The following PTPRA variants were observed in gnomAD, a reference collection of about 807,000 sequenced individuals.
PTPRA encodes the protein protein tyrosine phosphatase receptor type A, also known as receptor-type tyrosine-protein phosphatase alpha.
In PTPRA, 25 loss-of-function variants were observed where a neutral mutation model predicts 104.8. The observed-to-expected ratio is 0.24, with a 90% CI of 0.17 to 0.33. The LOEUF (loss-of-function observed/expected upper bound fraction) is 0.33, where lower values mean the gene tolerates loss of function less well. Among genes scored for constraint, PTPRA ranks in the 10% least tolerant of loss-of-function variants. The pLI is 1.00. For missense variants in PTPRA, 765 were observed against 1,015.3 expected (o/e 0.75, Z 3.35); for synonymous variants, 323 against 368.9 (o/e 0.88, Z 1.43).
rs545542834 is a variant in PTPRA, at chr20:3,037,548, T to C, written c.2334+259T>C. On this transcript the variant is annotated intron_variant, in intron 23 of 23. Coordinates refer to ENST00000399903, the MANE Select transcript of PTPRA (RefSeq NM_001385305.1). The surrounding 1 kb of genome is among the most constrained non-coding windows in gnomAD (Gnocchi z 4.3). ...GCCCCACAGGGCTCATCTGTACTTC[T>C]CTGTGGGTCTTGGGTAAGGAAGATC... is the stretch of plus-strand genomic sequence containing the variant. 6.6e-6 allele frequency among the ~76,000 whole-genome samples: 1 copy of C among 152,350 alleles called. No homozygotes were observed. The highest frequency in any genetic ancestry group is 2.1e-4 in the South Asian group (1 of 4,832).
In PTPRA at chr20:2,965,057, A is replaced by C; in HGVS notation, c.270A>C (p.Arg90Ser). 1 of 1,614,092 alleles carries C rather than the reference A, an allele frequency of 6.2e-7. No individual in the cohort carries two copies. The highest frequency in any genetic ancestry group is 8.5e-7 in the Non-Finnish European group (1 of 1,179,958). The change falls in exon 5 of 24, where the codon AGA becomes AGC. Residue 90 changes from arginine (R) to serine (S), a missense_variant. Around this residue, in one of 4 missense-constraint regions of PTPRA, gnomAD observed 256 missense variants for 248.9 expected, o/e 1.03. Coordinates refer to ENST00000399903, the MANE Select transcript of PTPRA (RefSeq NM_001385305.1). ...CAGACTCTGACAATGGGACCACAAG[A>C]ACAGCAAGCACCAATTCTATAGGCA... ...NSSDSDNGTT[R>S]TASTNSIGIT... is the part of the protein sequence containing the mutation.
At chr20:2,979,806 A>G (rs1752507127) in intron 6 of PTPRA, among the ~76,000 whole-genome samples, 1 of 152,200 alleles carries the variant, frequency 6.6e-6, no homozygotes, top group Non-Finnish European at 1.5e-5. Flanking sequence ...GGCCTCCCAA[A>G]GTGTTGGGCT....
chr20:2,932,141 G>A (rs1321343120), intron 2 of PTPRA, among the ~76,000 whole-genome samples: 1 of 152,194 alleles, frequency 6.6e-6, no homozygotes, highest in Non-Finnish European at 1.5e-5. Context: ...AAACAGAGAA[G>A]CTTTTGAGAA....
chr20:2,870,741 C>T (rs563324052), upstream of PTPRA, among the ~76,000 whole-genome samples: 2 of 152,360 alleles, frequency 1.3e-5, no homozygotes, highest in South Asian at 4.1e-4. Flanking sequence ...TCCTGATCCT[C>T]TCCTTTGCTC....
At position 2,942,998 on chromosome 20, in the gene PTPRA, C is replaced by G. The variant is rs372743588; in HGVS notation, c.-49-4984C>G. 4.6e-5 allele frequency among the ~76,000 whole-genome samples: 7 copies of G among 151,720 alleles called. No individual in the cohort carries two copies. The East Asian group carries it at 1.4e-3, about 29-fold the overall frequency. On this transcript the variant is annotated intron_variant, in intron 2 of 23. Coordinates refer to ENST00000399903, the MANE Select transcript of PTPRA (RefSeq NM_001385305.1). ...CTTATAATAATATGCCAGCATGTTC[C>G]TTTTTCTCTTTTTTCTTGCTTTTTG... is the stretch of plus-strand genomic sequence containing the variant.
At chr20:2,980,672 A>T (rs6138973) in intron 6 of PTPRA, among the ~76,000 whole-genome samples, 2,119 of 151,970 alleles carry the variant, frequency 0.014, 110 homozygotes, top group Admixed American at 0.09. Context: ...CAACAACAAG[A>T]CCCCCTCCCC....
rs371114138 is a variant in PTPRA, at chr20:3,022,929, TA to T, written c.1464+106del. 6.9e-4 allele frequency: 1,035 copies of T among 1,509,234 alleles called. 17 individuals carry two copies. The South Asian group carries it at 0.012, about 18-fold the overall frequency. 93.5% of individuals were successfully genotyped at this position (1,509,234 alleles called of 1,614,324 possible). On this transcript the variant is annotated intron_variant, in intron 16 of 23. Transcript: ENST00000399903. This position sits in a 1 kb window ranked among gnomAD's most constrained non-coding sequence, Gnocchi z 4.6. Reference sequence around the variant, plus strand: ...CACAGGTTATTGTAAATGATTACTATAGAGTGTGATTGTGGGGGAAAGAAAG... The same window carrying T: ...CACAGGTTATTGTAAATGATTACTATGAGTGTGATTGTGGGGGAAAGAAAG...
intron 1 of PTPRA, among the ~76,000 whole-genome samples, chr20:2,885,414 A>G (rs1213900487): frequency 6.6e-6 from 1 of 152,252 alleles, no homozygotes; most frequent in Non-Finnish European, 1.5e-5. Flanking sequence ...TTTCCAGATG[A>G]TCTAATGAAG....
In PTPRA at chr20:2,971,713, A is replaced by G. The variant is rs1174622223; in HGVS notation, c.416-3502A>G. ...CATATTTTATTGTGTTCAGGATTTA[A>G]TGAGCGTTTATGTTAGGAATGGGTG... On this transcript the variant is annotated intron_variant, in intron 5 of 23. Transcript: ENST00000399903. Among the ~76,000 whole-genome samples the G allele has an allele frequency of 2.0e-5, 3 of 152,162 alleles. No individual in the cohort carries two copies. The East Asian group carries it at 5.8e-4, about 29-fold the overall frequency.
chr20:2,866,457 C>A, the PTPRA span: 3 of 1,614,186 alleles, frequency 1.9e-6, no homozygotes, highest in Non-Finnish European at 2.5e-6. Context: ...CAGATGTGGC[C>A]ATCGAACACC....
intron 6 of PTPRA, among the ~76,000 whole-genome samples, chr20:2,981,964 G>T (rs1254594726): frequency 6.6e-6 from 1 of 152,126 alleles, no homozygotes; most frequent in Non-Finnish European, 1.5e-5. Flanking sequence ...TTTCAGATAT[G>T]CTGTTGATTC....
intron 1 of PTPRA, among the ~76,000 whole-genome samples, chr20:2,920,335 G>A (rs1458724993): frequency 1.3e-5 from 2 of 152,102 alleles, no homozygotes; most frequent in African/African-American, 4.8e-5. Flanking sequence ...ATGGAGGAGT[G>A]CAATTTTTAG....
intron 2 of PTPRA, among the ~76,000 whole-genome samples, chr20:2,933,367 G>A (rs183452440): frequency 6.6e-5 from 10 of 151,620 alleles, no homozygotes; most frequent in African/African-American, 2.2e-4. Context: ...ATTTAATAAG[G>A]TTATTTAACC....
chr20:2,987,797 C>T, intron 7 of PTPRA: 1 of 603,530 alleles, frequency 1.7e-6, no homozygotes, highest in Non-Finnish European at 3.1e-6. Flanking sequence ...CCTGAATATA[C>T]TGTTGGGGTT....
At chr20:2,958,847 A>G (rs77718074) in intron 3 of PTPRA, among the ~76,000 whole-genome samples, 9 of 148,028 alleles carry the variant, frequency 6.1e-5, no homozygotes, top group African/African-American at 2.0e-4. Flanking sequence ...ACTGTATCAA[A>G]AAAAAAAAAA....
intron 9 of PTPRA, among the ~76,000 whole-genome samples, chr20:2,990,042 T>G (rs2063102509): frequency 6.6e-6 from 1 of 152,074 alleles, no homozygotes; most frequent in Non-Finnish European, 1.5e-5. Context: ...TGACTCTGGC[T>G]TCTGTAAGGA....
chr20:2,901,139 T>C (rs1049776951), intron 1 of PTPRA, among the ~76,000 whole-genome samples: 1 of 151,918 alleles, frequency 6.6e-6, no homozygotes, highest in East Asian at 2.0e-4. Flanking sequence ...CCTCGCTAAT[T>C]TTTGTATTTT....
At chr20:2,903,056 C>T (rs910183798) in intron 1 of PTPRA, among the ~76,000 whole-genome samples, 8 of 152,090 alleles carry the variant, frequency 5.3e-5, no homozygotes, top group African/African-American at 1.9e-4. Context: ...TTGAGTGTTC[C>T]TAATCTGAAA....
chr20:2,902,089 T>C (rs898738480), intron 1 of PTPRA, among the ~76,000 whole-genome samples: 3 of 152,122 alleles, frequency 2.0e-5, no homozygotes, highest in African/African-American at 7.2e-5. Flanking sequence ...TTCACCATGT[T>C]GGTCAGGCTG....
Sources: gnomAD v4.1 joint callset for allele counts (sites outside exome capture counted in the v4.1 genomes callset) on GRCh38, gnomAD v4.1.1 for gene constraint, gnomAD v4.1.1 regional missense constraint, Gnocchi (gnomAD v3.1) non-coding constraint, MANE v1.5 for transcripts, NCBI Gene and HGNC (gene_info 2026-07-23, HGNC 2026-07-21) for gene names.